Variants in PCDHGA4 observed in about 807,000 individuals in gnomAD.
PCDHGA4 encodes the protein protocadherin gamma-A4.
Under a neutral mutation model 54.6 loss-of-function variants are expected in PCDHGA4, and 38 were observed. The ratio of observed to expected loss-of-function variants is 0.70; its 90% CI spans 0.54 to 0.91. PCDHGA4 has a LOEUF of 0.91. Ranked by LOEUF, PCDHGA4 falls within the 40% of genes least tolerant of loss-of-function variation. PCDHGA4 has a pLI of 0.00. For synonymous variants in PCDHGA4, 511 were observed against 512.9 expected, an observed-to-expected ratio of 1.00 and a Z score of 0.05; for missense variants, 1,298 against 1,220.9, an observed-to-expected ratio of 1.06 and a Z score of -0.94.
intron 2 of PCDHGA4, among the ~76,000 whole-genome samples, chr5:141,499,937 C>T (rs1257575594): frequency 6.6e-6 from 1 of 152,082 alleles, no homozygotes; most frequent in Non-Finnish European, 1.5e-5. Context: ...ATCCACCCTC[C>T]TCGGCCTCCC....
At chr5:141,434,193 T>C (rs2097677103) in intron 1 of PCDHGA4, among the ~76,000 whole-genome samples, 1 of 152,246 alleles carries the variant, frequency 6.6e-6, no homozygotes, top group Non-Finnish European at 1.5e-5. Flanking sequence ...GTAATTCCAA[T>C]GTACTTACTT....
At chr5:141,380,772 CTT>C (rs1776732495) in intron 1 of PCDHGA4, among the ~76,000 whole-genome samples, 1 of 152,070 alleles carries the variant, frequency 6.6e-6, no homozygotes, top group Admixed American at 6.6e-5. Context: ...TTAATTGAGA[CTT>C]TTTTAAAACA....
intron 1 of PCDHGA4, among the ~76,000 whole-genome samples, chr5:141,467,008 A>AT (rs1165146249): frequency 6.7e-6 from 1 of 150,270 alleles, no homozygotes; most frequent in Non-Finnish European, 1.5e-5. Context: ...TTGCAATGCA[A>AT]TTTTTTTCCC....
intron 1 of PCDHGA4, among the ~76,000 whole-genome samples, chr5:141,405,781 A>G (rs913529807): frequency 2.6e-5 from 4 of 151,674 alleles, no homozygotes; most frequent in African/African-American, 7.3e-5. Context: ...CCTGGCCCTT[A>G]ACTTTCTATT....
chr5:141,483,530 GC>G (rs1384645281), intron 1 of PCDHGA4, among the ~76,000 whole-genome samples: 2 of 152,158 alleles, frequency 1.3e-5, no homozygotes, highest in African/African-American at 4.8e-5. Flanking sequence ...GACTAAGGAA[GC>G]TGGGTGGTTG....
rs774211225 is a variant in PCDHGA4 at position 141,374,709 on chromosome 5, G to A, written c.2514+17088G>A. 28 of 1,608,934 alleles carry A rather than the reference G, an allele frequency of 1.7e-5. No individual in the cohort carries two copies. In the South Asian group the frequency reaches 1.9e-4, roughly 11 times the overall value. On this transcript the variant is annotated intron_variant, in intron 1 of 3. Transcript: ENST00000571252. ...GACCGGGAAGGAGAAGCCGTTTACCGCCTGGTCCTTACTGCCATGGATGGC... is the reference window on the plus strand; with the variant it reads ...GACCGGGAAGGAGAAGCCGTTTACCACCTGGTCCTTACTGCCATGGATGGC...
At chr5:141,427,938 G>A in intron 1 of PCDHGA4, 1 of 1,584,968 alleles carries the variant, frequency 6.3e-7, no homozygotes, top group South Asian at 1.1e-5. Context: ...GTTGGTGGGC[G>A]ACCTCAATGA....
chr5:141,483,245 A>G (rs2099578786), intron 1 of PCDHGA4, among the ~76,000 whole-genome samples: 1 of 151,456 alleles, frequency 6.6e-6, no homozygotes, highest in Non-Finnish European at 1.5e-5. Flanking sequence ...TGATATGCAT[A>G]TATCATGAGG....
At chr5:141,416,010 A>T (rs968655183) in intron 1 of PCDHGA4, 5 of 245,908 alleles carry the variant, frequency 2.0e-5, no homozygotes, top group Non-Finnish European at 3.0e-5. Flanking sequence ...TGGTAAGAAT[A>T]GGTAAGTATC....
At chr5:141,415,151 C>G in intron 1 of PCDHGA4, 2 of 1,613,814 alleles carry the variant, frequency 1.2e-6, no homozygotes, top group Non-Finnish European at 1.7e-6. Flanking sequence ...CCCCCTCTCT[C>G]CGCCACTGTC....
intron 1 of PCDHGA4, chr5:141,441,868 C>A: frequency 3.0e-6 from 1 of 338,212 alleles, no homozygotes; most frequent in Non-Finnish European, 5.8e-6. Flanking sequence ...CGCCGCGGAG[C>A]CTGGCTACCT....
At chr5:141,439,898 C>A (rs1428014089) in intron 1 of PCDHGA4, 2 of 152,344 alleles carry the variant, frequency 1.3e-5, no homozygotes, top group African/African-American at 4.8e-5. Flanking sequence ...ACCAAGGCGA[C>A]TACTGCCTCC....
intron 1 of PCDHGA4, chr5:141,389,603 C>A: frequency 6.2e-7 from 1 of 1,613,148 alleles, no homozygotes; most frequent in Non-Finnish European, 8.5e-7. Flanking sequence ...CTGCGCTCTT[C>A]GATATGGTGC....
chr5:141,395,445 T>C (rs1257175969), intron 1 of PCDHGA4: 1 of 655,916 alleles, frequency 1.5e-6, no homozygotes, highest in East Asian at 2.9e-5. Context: ...TTGGAAAAGA[T>C]TGTTCAACCA....
chr5:141,451,797 C>T (rs1207473455), intron 1 of PCDHGA4, among the ~76,000 whole-genome samples: 1 of 152,006 alleles, frequency 6.6e-6, no homozygotes, highest in African/African-American at 2.4e-5. Context: ...CAGAGAATTG[C>T]TTGAACCCAG....
At chr5:141,358,963 C>A (rs938791914) in intron 1 of PCDHGA4, among the ~76,000 whole-genome samples, 1 of 152,156 alleles carries the variant, frequency 6.6e-6, no homozygotes, top group Admixed American at 6.5e-5. Context: ...CATTTAGGTT[C>A]TGTGAGAATT....
Position 141,491,895 on chromosome 5 carries a change from A to G in PCDHGA4, c.2515-2912A>G. On this transcript the variant is annotated intron_variant, in intron 1 of 3. Transcript: ENST00000571252. This position sits in a 1 kb window ranked among gnomAD's most constrained non-coding sequence, Gnocchi z 6.9. Reference sequence around the variant, plus strand: ...CCGATTAAGGGATGGGGCTCCGAGCACCGGGGGTGGTGGCGACTGTGGGCG... The same window carrying G: ...CCGATTAAGGGATGGGGCTCCGAGCGCCGGGGGTGGTGGCGACTGTGGGCG... 7.0e-7 allele frequency: 1 copy of G among 1,434,306 alleles called. No homozygotes were observed. The highest frequency in any genetic ancestry group is 9.2e-7 in the Non-Finnish European group (1 of 1,084,904). 88.8% of individuals were successfully genotyped at this position (1,434,306 alleles called of 1,614,324 possible). A position where few individuals can be genotyped will look rare whatever the true frequency, so the allele number is the denominator to read the frequency against.
intron 1 of PCDHGA4, chr5:141,423,559 G>T: frequency 6.2e-7 from 1 of 1,613,584 alleles, no homozygotes; most frequent in Non-Finnish European, 8.5e-7. Flanking sequence ...CAACTATGGG[G>T]ACACGCTCAT....
chr5:141,442,014 G>T, intron 1 of PCDHGA4: 1 of 220,044 alleles, frequency 4.5e-6, no homozygotes, highest in Non-Finnish European at 9.2e-6. Flanking sequence ...TCGCACGATG[G>T]GCCACAGGAA....
Sources: gnomAD v4.1 joint callset for allele counts (sites outside exome capture counted in the v4.1 genomes callset) on GRCh38, gnomAD v4.1.1 for gene constraint, Gnocchi (gnomAD v3.1) non-coding constraint, MANE v1.5 for transcripts, NCBI Gene and HGNC (gene_info 2026-07-23, HGNC 2026-07-21) for gene names.